Variants in TNKS observed in about 807,000 individuals in gnomAD.
TNKS encodes poly [ADP-ribose] polymerase tankyrase-1.
In TNKS, 72 loss-of-function variants were observed where a neutral mutation model predicts 135.8. The ratio of observed to expected loss-of-function variants is 0.53; its 90% confidence interval spans 0.44 to 0.64. The LOEUF is 0.64. Ranked by LOEUF, TNKS falls within the 30% of genes least tolerant of loss-of-function variation. The probability of loss-of-function intolerance (pLI) is 0.00; values close to 1 mark genes in which losing one functional copy is unlikely to be tolerated. For missense variants in TNKS, 1,769 were observed against 1,674.0 expected, an observed-to-expected ratio of 1.06 and a Z score of -0.99; for synonymous variants, 849 against 649.3, an observed-to-expected ratio of 1.31 and a Z score of -4.68.
intron 13 of TNKS, among the ~76,000 whole-genome samples, chr8:9,728,430 T>C (rs1487720389): frequency 1.3e-5 from 2 of 152,202 alleles, no homozygotes; most frequent in Non-Finnish European, 2.9e-5. Context: ...ATCAAATATT[T>C]AATAAGCAGG....
intron 17 of TNKS, among the ~76,000 whole-genome samples, chr8:9,739,004 C>A (rs1021765028): frequency 6.6e-6 from 1 of 151,962 alleles, no homozygotes; most frequent in Non-Finnish European, 1.5e-5. Flanking sequence ...GTGGGGACTT[C>A]ATGTCCAAAA....
At chr8:9,655,820 CTA>C (rs1185089897) in intron 3 of TNKS, among the ~76,000 whole-genome samples, 1 of 151,884 alleles carries the variant, frequency 6.6e-6, no homozygotes. Flanking sequence ...ACCAGAAACT[CTA>C]AAAATCAAAG....
chr8:9,619,873 A>C (rs1799800252), intron 3 of TNKS, among the ~76,000 whole-genome samples: 1 of 151,574 alleles, frequency 6.6e-6, no homozygotes, highest in Non-Finnish European at 1.5e-5. Context: ...TGAGGACTTA[A>C]ATGCTCTGTA....
At chr8:9,753,155 C>A (rs1053879900) in intron 20 of TNKS, among the ~76,000 whole-genome samples, 5 of 152,192 alleles carry the variant, frequency 3.3e-5, no homozygotes, top group Middle Eastern at 3.4e-3. Flanking sequence ...TAGCACTATG[C>A]ATTTTATTAC....
At chr8:9,623,481 C>T (rs1230769333) in intron 3 of TNKS, among the ~76,000 whole-genome samples, 4 of 144,074 alleles carry the variant, frequency 2.8e-5, no homozygotes, top group South Asian at 2.2e-4. Context: ...AAGTTGTGTT[C>T]GTACTATATA....
chr8:9,695,471 A>G (rs1329490443), intron 5 of TNKS, among the ~76,000 whole-genome samples: 1 of 152,122 alleles, frequency 6.6e-6, no homozygotes, highest in African/African-American at 2.4e-5. Context: ...TGAAGTTGGA[A>G]AGTTGTGGGA....
chr8:9,567,692 C>G (rs1007117181), intron 1 of TNKS, among the ~76,000 whole-genome samples: 9 of 152,240 alleles, frequency 5.9e-5, no homozygotes, highest in Non-Finnish European at 1.2e-4. Context: ...GGTGGGATTA[C>G]AGGCCTGAGC....
chr8:9,674,469 A>G (rs1423704176), intron 3 of TNKS, among the ~76,000 whole-genome samples: 3 of 152,208 alleles, frequency 2.0e-5, no homozygotes, highest in African/African-American at 7.2e-5. Flanking sequence ...AATGGTTATT[A>G]GGGTAAAAGG....
At chr8:9,597,559 G>T (rs1798837502) in intron 2 of TNKS, among the ~76,000 whole-genome samples, 1 of 152,184 alleles carries the variant, frequency 6.6e-6, no homozygotes, top group Non-Finnish European at 1.5e-5. Context: ...AGTGAGTGGA[G>T]ATATTGCATA....
intron 13 of TNKS, among the ~76,000 whole-genome samples, chr8:9,728,771 C>G (rs995328278): frequency 1.3e-5 from 2 of 152,080 alleles, no homozygotes; most frequent in African/African-American, 4.8e-5. Context: ...TACAATGGCT[C>G]TTCAGATTTT....
intron 23 of TNKS, 68 bp downstream of exon 23, chr8:9,764,858 T>C: frequency 2.3e-6 from 3 of 1,316,742 alleles, no homozygotes; most frequent in African/African-American, 1.5e-5. Flanking sequence ...ATCTAGACAA[T>C]GAAAAAAGTT....
intron 9 of TNKS, 57 bp downstream of exon 9, chr8:9,708,549 A>C (rs1425028468): frequency 1.5e-6 from 2 of 1,376,444 alleles, no homozygotes; most frequent in Non-Finnish European, 1.9e-6. Flanking sequence ...TAAGCACAAA[A>C]TATGATTTTC....
intron 2 of TNKS, among the ~76,000 whole-genome samples, chr8:9,608,249 C>G (rs369392157): frequency 8.5e-5 from 13 of 152,152 alleles, no homozygotes; most frequent in African/African-American, 3.1e-4. Context: ...CTTGTGTTAT[C>G]AGTAGTTTTT....
chr8:9,592,887 C>G lies in TNKS; in HGVS notation c.898+12504C>G, dbSNP rs139193541. 3.2e-4 allele frequency among the ~76,000 whole-genome samples: 48 copies of G among 152,200 alleles called. No homozygotes were observed. In the East Asian group the frequency reaches 9.1e-3, roughly 29 times the overall value. On this transcript the variant is annotated intron_variant, in intron 2 of 26. Coordinates refer to ENST00000310430, the MANE Select transcript of TNKS (RefSeq NM_003747.3). ...TGTCAGACACTTCAATATTCATATA[C>G]AAATATAAAACACATTTTATAGTCA...
intron 2 of TNKS, among the ~76,000 whole-genome samples, chr8:9,611,680 G>T (rs560945457): frequency 1.1e-4 from 16 of 152,330 alleles, no homozygotes; most frequent in Non-Finnish European, 1.5e-5. Context: ...TTTGCCTCAT[G>T]TATGTGCCAT....
At chr8:9,753,029 G>A (rs530799421) in intron 20 of TNKS, among the ~76,000 whole-genome samples, 1 of 150,442 alleles carries the variant, frequency 6.6e-6, no homozygotes, top group South Asian at 2.1e-4. Flanking sequence ...TGCTTCTTAC[G>A]AGCTATTCTT....
chr8:9,767,353 A>C (rs1438843186), intron 25 of TNKS, among the ~76,000 whole-genome samples: 1 of 152,204 alleles, frequency 6.6e-6, no homozygotes, highest in African/African-American at 2.4e-5. Flanking sequence ...AATACAAAAG[A>C]ATTATACTGT....
At chr8:9,560,456 G>C (rs950818890) in intron 1 of TNKS, among the ~76,000 whole-genome samples, 2 of 129,266 alleles carry the variant, frequency 1.5e-5, no homozygotes, top group African/African-American at 6.1e-5. Context: ...ACTCATTCCT[G>C]ACTCTTCTCT....
intron 3 of TNKS, among the ~76,000 whole-genome samples, chr8:9,659,444 C>T (rs547514874): frequency 6.6e-6 from 1 of 152,148 alleles, no homozygotes; most frequent in South Asian, 2.1e-4. Flanking sequence ...CTCAAAACTA[C>T]TCAACTACAT....
Sources: gnomAD v4.1 joint callset for allele counts (sites outside exome capture counted in the v4.1 genomes callset) on GRCh38, gnomAD v4.1.1 for gene constraint, MANE v1.5 for transcripts, NCBI Gene and HGNC (gene_info 2026-07-23, HGNC 2026-07-21) for gene names.